Variants in LINGO2 observed in about 807,000 individuals in gnomAD.
LINGO2 encodes the protein leucine rich repeat and Ig domain containing 2.
In LINGO2, 14 loss-of-function variants were observed where a neutral mutation model predicts 30.6. The ratio of observed to expected loss-of-function variants is 0.46; its 90% CI spans 0.30 to 0.72. The LOEUF is 0.72. Ranked by LOEUF, LINGO2 falls within the 30% of genes least tolerant of loss-of-function variation. The probability of loss-of-function intolerance (pLI) is 0.07; values close to 1 mark genes in which losing one functional copy is unlikely to be tolerated. For missense variants in LINGO2, 729 were observed against 751.7 expected, an observed-to-expected ratio of 0.97 and a Z score of 0.35; for synonymous variants, 317 against 288.5, an observed-to-expected ratio of 1.10 and a Z score of -1.00.
intron 4 of LINGO2, among the ~76,000 whole-genome samples, chr9:28,281,665 T>A (rs1014778150): frequency 6.6e-6 from 1 of 151,968 alleles, no homozygotes; most frequent in Non-Finnish European, 1.5e-5. Context: ...GGAAGAGAAA[T>A]AGAGATGTGG....
the LINGO2 span, among the ~76,000 whole-genome samples, chr9:28,835,501 C>T: frequency 6.6e-6 from 1 of 152,000 alleles, no homozygotes; most frequent in South Asian, 2.1e-4. Context: ...ATTTTCCTTC[C>T]AGAACAACAC....
At chr9:29,077,313 C>A in the LINGO2 span, among the ~76,000 whole-genome samples, 1 of 151,868 alleles carries the variant, frequency 6.6e-6, no homozygotes, top group Non-Finnish European at 1.5e-5. Flanking sequence ...CAAATATGAT[C>A]TAGAGTTTAA....
At chr9:28,090,563 C>A (rs61156524) in intron 4 of LINGO2, among the ~76,000 whole-genome samples, 1 of 152,042 alleles carries the variant, frequency 6.6e-6, no homozygotes, top group Admixed American at 6.6e-5. Context: ...TGGGACGTAT[C>A]ACAAAATAAT....
intron 4 of LINGO2, among the ~76,000 whole-genome samples, chr9:28,250,258 A>G (rs1041499631): frequency 6.6e-5 from 10 of 152,190 alleles, no homozygotes; most frequent in African/African-American, 2.4e-4. Flanking sequence ...CCAGGAAGAT[A>G]AAGTGGATGT....
intron 1 of LINGO2, among the ~76,000 whole-genome samples, chr9:28,623,078 A>G: frequency 6.6e-6 from 1 of 151,982 alleles, no homozygotes; most frequent in East Asian, 1.9e-4. Context: ...CTCCTTGTAT[A>G]TTCTGGTTAT....
chr9:28,123,375 C>T (rs1159514930), intron 4 of LINGO2, among the ~76,000 whole-genome samples: 2 of 152,186 alleles, frequency 1.3e-5, no homozygotes, highest in Non-Finnish European at 2.9e-5. Flanking sequence ...GATTCCAGCA[C>T]TGAGTCTATT....
the LINGO2 span, among the ~76,000 whole-genome samples, chr9:29,040,782 A>G: frequency 2.6e-5 from 4 of 152,018 alleles, no homozygotes; most frequent in Admixed American, 2.0e-4. Context: ...CATATCCAAG[A>G]GCAGAAATGT....
chr9:29,158,271 G>A, the LINGO2 span, among the ~76,000 whole-genome samples: 1 of 151,760 alleles, frequency 6.6e-6, no homozygotes, highest in Non-Finnish European at 1.5e-5. Context: ...TGAGAGGACT[G>A]CATGAGCCCA....
At chr9:28,385,533 T>C (rs1291601568) in intron 2 of LINGO2, among the ~76,000 whole-genome samples, 1 of 152,192 alleles carries the variant, frequency 6.6e-6, no homozygotes, top group Non-Finnish European at 1.5e-5. Context: ...TTCTTCTTTC[T>C]GGGCAAATAA....
chr9:28,352,538 G>A (rs1338136122), intron 3 of LINGO2, among the ~76,000 whole-genome samples: 2 of 135,022 alleles, frequency 1.5e-5, no homozygotes, highest in Non-Finnish European at 3.1e-5. Flanking sequence ...CATGCTCATG[G>A]GTAGGAAGAA....
the LINGO2 span, among the ~76,000 whole-genome samples, chr9:28,847,736 A>G: frequency 6.1e-5 from 7 of 114,106 alleles, no homozygotes; most frequent in South Asian, 1.4e-3. Context: ...GTGTCTGTGT[A>G]TATATATATG....
At chr9:27,956,611 A>G (rs1449924107) in intron 5 of LINGO2, among the ~76,000 whole-genome samples, 1 of 152,090 alleles carries the variant, frequency 6.6e-6, no homozygotes, top group Non-Finnish European at 1.5e-5. Flanking sequence ...GAGCCCCTAG[A>G]GCCTATATGC....
chr9:28,781,624 A>AT, the LINGO2 span, among the ~76,000 whole-genome samples: 4 of 152,144 alleles, frequency 2.6e-5, no homozygotes, highest in Admixed American at 6.5e-5. Context: ...AGTGAACATC[A>AT]TTTTATTGGC....
At chr9:28,963,652 T>C in the LINGO2 span, among the ~76,000 whole-genome samples, 2 of 151,508 alleles carry the variant, frequency 1.3e-5, no homozygotes, top group East Asian at 3.9e-4. Flanking sequence ...ATGCAGGTCA[T>C]TATGGTAAGT....
chr9:28,187,773 T>C (rs554701756), intron 4 of LINGO2, among the ~76,000 whole-genome samples: 37 of 152,302 alleles, frequency 2.4e-4, no homozygotes, highest in African/African-American at 8.7e-4. Context: ...ACTTAGACTA[T>C]AGTGCATAAT....
At chr9:28,656,527 C>T (rs540749467) in intron 1 of LINGO2, among the ~76,000 whole-genome samples, 2 of 152,060 alleles carry the variant, frequency 1.3e-5, no homozygotes, top group African/African-American at 4.8e-5. Flanking sequence ...CATAAGGAAA[C>T]ATCAGACACA....
chr9:28,079,878 T>C (rs1380370705), intron 4 of LINGO2, among the ~76,000 whole-genome samples: 2 of 152,210 alleles, frequency 1.3e-5, no homozygotes, highest in Non-Finnish European at 2.9e-5. Context: ...GATGTTTCCT[T>C]CTAACCAGCT....
chr9:28,161,137 G>A (rs1828273261), intron 4 of LINGO2, among the ~76,000 whole-genome samples: 1 of 152,072 alleles, frequency 6.6e-6, no homozygotes, highest in Non-Finnish European at 1.5e-5. Flanking sequence ...GCATTTATAG[G>A]GTGAAATTAT....
intron 1 of LINGO2, among the ~76,000 whole-genome samples, chr9:28,490,505 G>C (rs1015317097): frequency 6.6e-6 from 1 of 152,152 alleles, no homozygotes; most frequent in African/African-American, 2.4e-5. Context: ...AATTTGCACA[G>C]AGTCATAAAT....
Sources: gnomAD v4.1 joint callset for allele counts (sites outside exome capture counted in the v4.1 genomes callset) on GRCh38, gnomAD v4.1.1 for gene constraint, MANE v1.5 for transcripts, NCBI Gene and HGNC (gene_info 2026-07-23, HGNC 2026-07-21) for gene names.